Variants in EML6 observed in about 807,000 individuals in gnomAD.
EML6 encodes echinoderm microtubule-associated protein-like 6.
In EML6, 154 loss-of-function variants were observed where a neutral mutation model predicts 240.1. The observed-to-expected ratio is 0.64, with a 90% confidence interval of 0.56 to 0.73. The LOEUF is 0.73. Among genes scored for constraint, EML6 ranks in the 30% least tolerant of loss-of-function variants. EML6 has a pLI of 0.00. For synonymous variants in EML6, 1,148 were observed against 899.0 expected (o/e 1.28, Z -4.95); for missense variants, 2,964 against 2,474.6 (o/e 1.20, Z -4.20).
At chr2:54,925,699 A>G (rs190035475) in intron 26 of EML6, among the ~76,000 whole-genome samples, 56 of 152,116 alleles carry the variant, frequency 3.7e-4, no homozygotes, top group African/African-American at 6.0e-4. Flanking sequence ...GACATACCCT[A>G]TCCTTTATCA....
chr2:54,844,533 A>T (rs1351534602), intron 8 of EML6, among the ~76,000 whole-genome samples: 1 of 152,124 alleles, frequency 6.6e-6, no homozygotes, highest in Non-Finnish European at 1.5e-5. Context: ...AGCTAAGCAC[A>T]CTCATCTATG....
chr2:54,741,242 A>G (rs569508148), intron 2 of EML6, among the ~76,000 whole-genome samples: 19 of 152,154 alleles, frequency 1.2e-4, no homozygotes, highest in African/African-American at 4.3e-4. Flanking sequence ...GATGGTTACA[A>G]TAGAGTACTA....
intron 26 of EML6, among the ~76,000 whole-genome samples, chr2:54,924,273 C>T (rs935866148): frequency 1.3e-5 from 2 of 152,156 alleles, no homozygotes; most frequent in Admixed American, 6.5e-5. Flanking sequence ...TTGTCAGATG[C>T]ATAAAATTCA....
Position 54,731,955 on chromosome 2 carries a change from C to A in EML6, c.197+6697C>A, listed in dbSNP as rs6740110. On this transcript the variant is annotated intron_variant, in intron 2 of 41. Coordinates refer to ENST00000356458, the MANE Select transcript of EML6 (RefSeq NM_001039753.4). Reference sequence around the variant, plus strand: ...TATGAGAGATCCAATTCCTCCACATCGTCAAGATTTACTACTGTCTGTCTT... The same window carrying A: ...TATGAGAGATCCAATTCCTCCACATAGTCAAGATTTACTACTGTCTGTCTT... 5.3e-5 allele frequency among the ~76,000 whole-genome samples: 8 copies of A among 152,164 alleles called. No homozygotes were observed. The East Asian group carries it at 1.5e-3, about 29-fold the overall frequency.
intron 14 of EML6, 159 bp from the exon 15 acceptor site, chr2:54,869,022 C>G (rs145737741): frequency 1.9e-6 from 1 of 525,012 alleles, no homozygotes; most frequent in African/African-American, 1.9e-5. Flanking sequence ...TGCCCTCAGA[C>G]GGCCACATAT....
At chr2:54,943,341 C>T (rs935759480) in intron 28 of EML6, among the ~76,000 whole-genome samples, 3 of 152,132 alleles carry the variant, frequency 2.0e-5, no homozygotes, top group African/African-American at 4.8e-5. Context: ...ATCCATGCTC[C>T]CTCATCTGTG....
intron 4 of EML6, among the ~76,000 whole-genome samples, chr2:54,819,773 G>A (rs367798870): frequency 7.9e-4 from 97 of 123,062 alleles, no homozygotes; most frequent in Non-Finnish European, 8.0e-4. Flanking sequence ...GACTGTCTCA[G>A]AAAAAAAAAA....
intron 24 of EML6, among the ~76,000 whole-genome samples, chr2:54,906,422 C>T (rs1056809260): frequency 6.6e-6 from 1 of 152,108 alleles, no homozygotes; most frequent in Non-Finnish European, 1.5e-5. Flanking sequence ...TGTGTAAAGT[C>T]CCTCGATATG....
chr2:54,736,495 T>A (rs983199091), intron 2 of EML6, among the ~76,000 whole-genome samples: 117 of 152,294 alleles, frequency 7.7e-4, no homozygotes, highest in African/African-American at 2.6e-3. Flanking sequence ...TTCCAAAATC[T>A]CTTCTAAGTT....
chr2:54,934,600 A>G (rs1057318917), intron 28 of EML6, among the ~76,000 whole-genome samples: 2 of 152,234 alleles, frequency 1.3e-5, no homozygotes, highest in African/African-American at 2.4e-5. Flanking sequence ...CCCAGAGTGT[A>G]GTATGGTGGC....
At chr2:54,790,846 C>G (rs1035105474) in intron 2 of EML6, among the ~76,000 whole-genome samples, 1 of 151,764 alleles carries the variant, frequency 6.6e-6, no homozygotes. Flanking sequence ...CTGCCTCAGC[C>G]TCCCGAGTAG....
In EML6 at chr2:54,971,954, T is replaced by TTTA. The variant is rs1677045655; in HGVS notation, c.*1862_*1864dup. On this transcript the variant is annotated 3_prime_UTR_variant, in exon 42 of 42. Transcript: ENST00000356458. ...GTGAGTTAAAACATTGGTGCATGAATTTATTTTCAAAGTATAAAACACATC... is the reference window on the plus strand; with the variant it reads ...GTGAGTTAAAACATTGGTGCATGAATTTATTATTTTCAAAGTATAAAACACATC... 10 of 152,240 alleles carry TTTA rather than the reference T, an allele frequency of 6.6e-5. No individual in the cohort carries two copies. Among genetic ancestry groups the TTTA allele is most frequent in the Admixed American group, 6.5e-4 (10 of 15,284 alleles). The allele number at this position is 152,240 out of a possible 1,614,324, so 9.4% of individuals were successfully genotyped here. A position where few individuals can be genotyped will look rare whatever the true frequency, so the allele number is the denominator to read the frequency against.
At chr2:54,946,343 C>G (rs1257543019) in intron 28 of EML6, among the ~76,000 whole-genome samples, 2 of 152,160 alleles carry the variant, frequency 1.3e-5, no homozygotes, top group Non-Finnish European at 2.9e-5. Flanking sequence ...GGGTTGTGCC[C>G]ACAGCCTTCC....
chr2:54,749,597 T>A (rs2103695237), intron 2 of EML6, among the ~76,000 whole-genome samples: 1 of 152,286 alleles, frequency 6.6e-6, no homozygotes. Context: ...TATTATTATG[T>A]ACTGGGCACG....
chr2:54,966,875 G>A (rs1676772124), intron 38 of EML6, 125 bp from the exon 39 acceptor site: 1 of 602,818 alleles, frequency 1.7e-6, no homozygotes, highest in South Asian at 2.1e-5. Flanking sequence ...CTGGAGCTGA[G>A]CTTGGGTTTG....
At chr2:54,811,500 T>C (rs1368525519) in intron 2 of EML6, among the ~76,000 whole-genome samples, 2 of 152,232 alleles carry the variant, frequency 1.3e-5, no homozygotes, top group Non-Finnish European at 2.9e-5. Context: ...TCTGTGTTAC[T>C]GTGTATGTAT....
chr2:54,799,351 A>T (rs546155386), intron 2 of EML6, among the ~76,000 whole-genome samples: 1 of 151,756 alleles, frequency 6.6e-6, no homozygotes, highest in South Asian at 2.1e-4. Context: ...ATGAGCCACC[A>T]CGCCCAGCCT....
At chr2:54,802,733 A>G (rs1670237216) in intron 2 of EML6, among the ~76,000 whole-genome samples, 1 of 152,004 alleles carries the variant, frequency 6.6e-6, no homozygotes, top group African/African-American at 2.4e-5. Context: ...ATGTTACTTT[A>G]CTTATGGCTA....
chr2:54,761,856 CT>C (rs140402799), intron 2 of EML6, among the ~76,000 whole-genome samples: 1,802 of 146,722 alleles, frequency 0.012, 33 homozygotes, highest in African/African-American at 0.041. Flanking sequence ...ATTAGTATTG[CT>C]TTTTTTTTTG....
Sources: gnomAD v4.1 joint callset for allele counts (sites outside exome capture counted in the v4.1 genomes callset) on GRCh38, gnomAD v4.1.1 for gene constraint, MANE v1.5 for transcripts, NCBI Gene and HGNC (gene_info 2026-07-23, HGNC 2026-07-21) for gene names.